Variants in SLC7A8 observed in about 807,000 individuals in gnomAD.
SLC7A8 encodes the protein large neutral amino acids transporter small subunit 2.
In SLC7A8, 30 loss-of-function variants were observed where a neutral mutation model predicts 51.2. That is an observed-to-expected ratio of 0.59 (90% CI 0.44 to 0.80). SLC7A8 has a LOEUF of 0.80. Among genes scored for constraint, SLC7A8 ranks in the 30% least tolerant of loss-of-function variants. The pLI, the probability that SLC7A8 is intolerant of heterozygous loss-of-function variation, is 0.00. For synonymous variants in SLC7A8, 257 were observed against 275.8 expected (o/e 0.93, Z 0.67); for missense variants, 612 against 674.4 (o/e 0.91, Z 1.03).
Position 23,131,445 on chromosome 14 carries a change from C to T in SLC7A8, c.1113+16G>A. On this transcript the variant is annotated intron_variant, in intron 8 of 10. Transcript: ENST00000316902. ...GAGGGAGGTGTGTGGAGAGTTACAG[C>T]AGGAAGGGCCCTTACTGTGAAGAGC... 1 of 1,558,786 alleles carries T rather than the reference C, an allele frequency of 6.4e-7. No homozygotes were observed. The highest frequency in any genetic ancestry group is 8.7e-7 in the Non-Finnish European group (1 of 1,152,302).
chr14:23,155,094 G>T, intron 3 of SLC7A8: 4 of 1,366,398 alleles, frequency 2.9e-6, no homozygotes, highest in South Asian at 1.3e-5. Flanking sequence ...GTGTGGTTTT[G>T]AAACAGATCT....
In SLC7A8 at chr14:23,157,349, ACAACTGAATTGTAAT is replaced by A. The variant is rs1454366391; in HGVS notation, c.508+7921_508+7935del. 3.3e-5 allele frequency among the ~76,000 whole-genome samples: 5 copies of A among 152,252 alleles called. No individual in the cohort carries two copies. In the East Asian group the frequency reaches 9.7e-4, roughly 29 times the overall value. On this transcript the variant is annotated intron_variant, in intron 3 of 10. Coordinates refer to ENST00000316902, the MANE Select transcript of SLC7A8 (RefSeq NM_012244.4). ...ATAGTCATCTGCAATCTGAATCCTTACAACTGAATTGTAATCATCTTTTCTTGCCTCTGATCTTAT... is the reference window on the plus strand; with the variant it reads ...ATAGTCATCTGCAATCTGAATCCTTACATCTTTTCTTGCCTCTGATCTTAT...
In SLC7A8 at chr14:23,127,931, T is replaced by A. The variant is rs115623869; in HGVS notation, c.1441+88A>T. 1.1e-3 allele frequency: 1,300 copies of A among 1,178,330 alleles called. 13 individuals are homozygous for A. In the African/African-American group the frequency reaches 0.017, roughly 15 times the overall value. 73.0% of individuals were successfully genotyped at this position (1,178,330 alleles called of 1,614,324 possible). A position where few individuals can be genotyped will look rare whatever the true frequency, so the allele number is the denominator to read the frequency against. On this transcript the variant is annotated intron_variant, in intron 10 of 10. Transcript: ENST00000316902. ...GAGGAGAAGGTGAGCCTAGATCTCCTGGCCCTGGTGGCTCCCCAACCCCAT... is the reference window on the plus strand; with the variant it reads ...GAGGAGAAGGTGAGCCTAGATCTCCAGGCCCTGGTGGCTCCCCAACCCCAT...
chr14:23,171,497 A>G (rs183660848), intron 1 of SLC7A8, among the ~76,000 whole-genome samples: 19 of 152,364 alleles, frequency 1.2e-4, no homozygotes, highest in Non-Finnish European at 2.5e-4. Flanking sequence ...CGAGAATGTT[A>G]CAGCCATCAA....
chr14:23,126,625 G>A lies in SLC7A8; in HGVS notation c.*552C>T, dbSNP rs2048579117. The A allele has an allele frequency of 6.5e-6, 1 of 154,374 alleles. No homozygotes were observed. Among genetic ancestry groups the A allele is most frequent in the African/African-American group, 2.4e-5 (1 of 41,422 alleles). 9.6% of individuals were successfully genotyped at this position (154,374 alleles called of 1,614,324 possible). A position where few individuals can be genotyped will look rare whatever the true frequency, so the allele number is the denominator to read the frequency against. ...TGAGGAGAACCGAATTCTGGACAGG[G>A]AGCCCTGGCTGGGGTGGGTGCAGGT... On this transcript the variant is annotated 3_prime_UTR_variant, in exon 11 of 11. Transcript: ENST00000316902.
intron 1 of SLC7A8, among the ~76,000 whole-genome samples, chr14:23,170,258 T>C (rs1594840103): frequency 6.6e-6 from 1 of 152,182 alleles, no homozygotes; most frequent in Non-Finnish European, 1.5e-5. Flanking sequence ...TGGTCCAGAC[T>C]TTCCTCCATG....
chr14:23,131,759 G>C (rs1259934570), intron 7 of SLC7A8, among the ~76,000 whole-genome samples: 1 of 152,240 alleles, frequency 6.6e-6, no homozygotes, highest in Non-Finnish European at 1.5e-5. Flanking sequence ...GGCAGCCAGT[G>C]GAAAAGTGGA....
intron 3 of SLC7A8, chr14:23,155,239 T>G (rs2048883857): frequency 6.5e-7 from 1 of 1,535,906 alleles, no homozygotes; most frequent in Admixed American, 2.0e-5. Context: ...GCCTCTCTCT[T>G]CCAAGGACAC....
At chr14:23,169,171 A>G (rs2048963984) in intron 1 of SLC7A8, among the ~76,000 whole-genome samples, 1 of 152,146 alleles carries the variant, frequency 6.6e-6, no homozygotes, top group Non-Finnish European at 1.5e-5. Context: ...CGATATAGGG[A>G]GATCCTATCT....
chr14:23,146,053 GTCAC>G (rs2140318174), intron 3 of SLC7A8, among the ~76,000 whole-genome samples: 1 of 152,314 alleles, frequency 6.6e-6, no homozygotes, highest in South Asian at 2.1e-4. Context: ...GCCAACCTAA[GTCAC>G]TCTAAACAAC....
intron 1 of SLC7A8, among the ~76,000 whole-genome samples, chr14:23,179,926 G>A (rs1375041929): frequency 3.0e-5 from 4 of 135,346 alleles, no homozygotes; most frequent in East Asian, 4.2e-4. Context: ...TTTTTTTTGA[G>A]ATGGAGTCTC....
At chr14:23,178,652 C>A (rs1468766919) in intron 1 of SLC7A8, among the ~76,000 whole-genome samples, 5 of 151,434 alleles carry the variant, frequency 3.3e-5, no homozygotes, top group Non-Finnish European at 7.4e-5. Context: ...CGGTGGCCCA[C>A]ACGTGTAACC....
chr14:23,182,730 A>G, intron 1 of SLC7A8, 34 bp downstream of exon 1: 1 of 1,522,510 alleles, frequency 6.6e-7, no homozygotes, highest in South Asian at 1.3e-5. Context: ...ACCAGAGGGG[A>G]GAGGAGGGGT....
At chr14:23,175,654 T>A (rs1261679361) in intron 1 of SLC7A8, among the ~76,000 whole-genome samples, 1 of 152,210 alleles carries the variant, frequency 6.6e-6, no homozygotes, top group Non-Finnish European at 1.5e-5. Context: ...ACTCTGCTCT[T>A]TGAGGGAATG....
At chr14:23,181,689 A>G (rs1441775320) in intron 1 of SLC7A8, among the ~76,000 whole-genome samples, 1 of 152,142 alleles carries the variant, frequency 6.6e-6, no homozygotes, top group East Asian at 1.9e-4. Flanking sequence ...TCATAAAGGA[A>G]CTCTGGAGAG....
chr14:23,134,392 G>A (rs1200576306), intron 7 of SLC7A8, among the ~76,000 whole-genome samples: 12 of 118,012 alleles, frequency 1.0e-4, no homozygotes, highest in African/African-American at 4.0e-4. Context: ...AGCTGTATTT[G>A]CACCACTGCA....
rs775801150 is a variant in SLC7A8 at position 23,129,776 on chromosome 14, C to T, written c.1137G>A (p.Leu379=). 6.2e-7 allele frequency: 1 copy of T among 1,614,112 alleles called. No homozygotes were observed. The highest frequency in any genetic ancestry group is 1.1e-5 in the South Asian group (1 of 91,074). ...TGAGTGTGTACATGTCGCTGGTGAC[C>T]AGCATCAGCAGGGTGGAGATGCACT... The part of the protein sequence containing the change: ...LFTCISTLLM[L]VTSDMYTLIN... The change falls in exon 9 of 11, where the codon CTG becomes CTA. Residue 379 remains leucine (L), a synonymous_variant. Transcript: ENST00000316902.
chr14:23,168,874 A>G (rs10138784), intron 1 of SLC7A8, among the ~76,000 whole-genome samples: 48,106 of 152,106 alleles, frequency 0.32, 10,774 homozygotes, highest in African/African-American at 0.63. Context: ...AAGATGGGAC[A>G]TGCAACACTA....
intron 1 of SLC7A8, among the ~76,000 whole-genome samples, chr14:23,176,555 A>G (rs1876927439): frequency 6.6e-6 from 1 of 152,170 alleles, no homozygotes; most frequent in Non-Finnish European, 1.5e-5. Context: ...CAATTTCCCC[A>G]TTTTTAACGT....
Sources: gnomAD v4.1 joint callset for allele counts (sites outside exome capture counted in the v4.1 genomes callset) on GRCh38, gnomAD v4.1.1 for gene constraint, MANE v1.5 for transcripts, NCBI Gene and HGNC (gene_info 2026-07-23, HGNC 2026-07-21) for gene names.